C2CD3: variants seen among roughly 807,000 people sequenced by gnomAD.
C2CD3 encodes C2 domain-containing protein 3.
C2CD3 carries 148 observed loss-of-function variants against 234.0 expected under a neutral mutation model. The observed-to-expected ratio is 0.63, with a 90% CI of 0.55 to 0.72. The LOEUF (loss-of-function observed/expected upper bound fraction) is 0.72, where lower values mean the gene tolerates loss of function less well. Ranked by LOEUF, C2CD3 falls within the 30% of genes least tolerant of loss-of-function variation. The pLI, the probability that C2CD3 is intolerant of heterozygous loss-of-function variation, is 0.00. For missense variants in C2CD3, 2,577 were observed against 2,811.5 expected, an observed-to-expected ratio of 0.92 and a Z score of 1.89; for synonymous variants, 1,000 against 1,035.4, an observed-to-expected ratio of 0.97 and a Z score of 0.66.
chr11:74,163,689 A>C (rs1161547972), intron 2 of C2CD3, among the ~76,000 whole-genome samples: 1 of 152,158 alleles, frequency 6.6e-6, no homozygotes, highest in African/African-American at 2.4e-5. Context: ...AGCCATGTGG[A>C]ACTGTGAGTC....
intron 6 of C2CD3, among the ~76,000 whole-genome samples, 157 bp downstream of exon 6, chr11:74,133,268 T>G (rs542578124): frequency 6.6e-6 from 1 of 152,312 alleles, no homozygotes; most frequent in South Asian, 2.1e-4. Context: ...GATAAGATTT[T>G]TAGTATCTTA....
In C2CD3 at chr11:74,037,477, C is replaced by T. The variant is rs1212898298; in HGVS notation, c.5881+1G>A. On this transcript the variant is annotated splice_donor_variant, in intron 30 of 32. Transcript: ENST00000334126. LOFTEE classifies it high-confidence loss of function. ...TCAACAAGAAAGGATCTGAGTCATA[C>T]CTGTGATTAAGGAGCTGACTTGCAA... The T allele has an allele frequency of 1.2e-6, 2 of 1,609,506 alleles. No individual in the cohort carries two copies. The highest frequency in any genetic ancestry group is 2.2e-5 in the South Asian group (2 of 90,974).
At position 74,013,452 on chromosome 11, in the gene C2CD3, T is replaced by G; in HGVS notation, c.6995A>C (p.Asn2332Thr). 2.8e-6 allele frequency: 4 copies of G among 1,430,248 alleles called. No individual in the cohort carries two copies. Among genetic ancestry groups the G allele is most frequent in the Non-Finnish European group, 3.7e-6 (4 of 1,095,668 alleles). The allele number at this position is 1,430,248 out of a possible 1,614,324, so 88.6% of individuals were successfully genotyped here. Residue 2332 changes from asparagine (N) to threonine (T), a missense_variant, in exon 33 of 33, where the codon AAC becomes ACC. Physicochemically the swap from Asn to Thr is moderately conservative, Grantham distance 65. Coordinates refer to ENST00000334126, the MANE Select transcript of C2CD3 (RefSeq NM_001286577.2). ...CRPRPNSLPL[N>T]LPEEETLRIA... is the part of the protein sequence containing the mutation. ...CCTGAGAGTTTCTTCCTCAGGCAGGTTGAGGGGGAGCGAGTTAGGTCTGGG... is the reference window on the plus strand; with the variant it reads ...CCTGAGAGTTTCTTCCTCAGGCAGGGTGAGGGGGAGCGAGTTAGGTCTGGG...
intron 23 of C2CD3, 117 bp downstream of exon 23, chr11:74,077,998 A>G (rs955801105): frequency 4.6e-5 from 58 of 1,247,314 alleles, no homozygotes; most frequent in Non-Finnish European, 6.1e-5. Context: ...TATAATACCT[A>G]TCTCACAGGA....
At chr11:74,112,129 A>G (rs1590834988) in intron 11 of C2CD3, among the ~76,000 whole-genome samples, 2 of 152,328 alleles carry the variant, frequency 1.3e-5, no homozygotes, top group South Asian at 4.1e-4. Flanking sequence ...AGCAAAGTAA[A>G]AATTTAAAAA....
intron 22 of C2CD3, among the ~76,000 whole-genome samples, chr11:74,083,713 T>C (rs1955503674): frequency 6.6e-6 from 1 of 152,112 alleles, no homozygotes; most frequent in Admixed American, 6.5e-5. Context: ...CACTGGTCAC[T>C]AGAGAAATGC....
chr11:74,054,560 A>G (rs111244131), intron 26 of C2CD3, 47 bp downstream of exon 26: 6 of 771,588 alleles, frequency 7.8e-6, no homozygotes, highest in Non-Finnish European at 1.3e-5. Flanking sequence ...ACAGGATGTG[A>G]GCTTATTTTT....
chr11:74,159,589 T>C (rs1362111746), intron 3 of C2CD3, among the ~76,000 whole-genome samples: 2 of 152,130 alleles, frequency 1.3e-5, no homozygotes, highest in East Asian at 3.8e-4. Context: ...AGAATAGGGA[T>C]ATAAAAAATT....
At chr11:74,168,719 A>G in intron 1 of C2CD3, 106 bp from the exon 2 acceptor site, 5 of 1,031,356 alleles carry the variant, frequency 4.8e-6, no homozygotes, top group East Asian at 2.4e-5. Flanking sequence ...TCTTAAGTTC[A>G]GCAATTTATC....
intron 32 of C2CD3, among the ~76,000 whole-genome samples, chr11:74,026,223 C>T (rs559921460): frequency 6.6e-6 from 1 of 151,982 alleles, no homozygotes; most frequent in Non-Finnish European, 1.5e-5. Context: ...CAGAGGATCA[C>T]TTGAACCCAG....
chr11:74,059,219 C>G (rs826050), intron 24 of C2CD3, among the ~76,000 whole-genome samples: 15,565 of 151,634 alleles, frequency 0.1, 2,476 homozygotes, highest in African/African-American at 0.35. Flanking sequence ...TTCTCTCCTG[C>G]CTAACATGGT....
chr11:74,022,232 T>C (rs1459483374), intron 32 of C2CD3, among the ~76,000 whole-genome samples: 1 of 152,046 alleles, frequency 6.6e-6, no homozygotes, highest in African/African-American at 2.4e-5. Context: ...GCCTTGGTGA[T>C]GTGGATCTTG....
In C2CD3 at chr11:74,123,274, A is replaced by C. The variant is rs182073393; in HGVS notation, c.1218-139T>G. 1.8e-3 allele frequency: 1,113 copies of C among 634,408 alleles called. 4 individuals carry two copies. The highest frequency in any genetic ancestry group is 2.6e-3 in the Non-Finnish European group (958 of 368,852). 39.3% of individuals were successfully genotyped at this position (634,408 alleles called of 1,614,324 possible). A position where few individuals can be genotyped will look rare whatever the true frequency, so the allele number is the denominator to read the frequency against. Reference sequence around the variant, plus strand: ...AAAGACTCACATTAAACAAAAGACTACTGAATAAATATTTCCCAATTATAC... The same window carrying C: ...AAAGACTCACATTAAACAAAAGACTCCTGAATAAATATTTCCCAATTATAC... On this transcript the variant is annotated intron_variant, in intron 7 of 32. Transcript: ENST00000334126.
intron 20 of C2CD3, among the ~76,000 whole-genome samples, chr11:74,086,704 C>T (rs530880539): frequency 1.4e-4 from 22 of 152,316 alleles, no homozygotes; most frequent in African/African-American, 4.8e-4. Context: ...GGAATCTACA[C>T]GCCTTTAACG....
chr11:74,116,845 C>A (rs1439776544), intron 9 of C2CD3, among the ~76,000 whole-genome samples: 1 of 134,840 alleles, frequency 7.4e-6, no homozygotes. Flanking sequence ...TATATATACA[C>A]GTGTATATGT....
At chr11:74,132,490 G>A (rs965926270) in intron 7 of C2CD3, among the ~76,000 whole-genome samples, 1 of 152,214 alleles carries the variant, frequency 6.6e-6, no homozygotes, top group Non-Finnish European at 1.5e-5. Context: ...TGCCTCTGAA[G>A]TTCAGAGATA....
chr11:74,074,241 A>G lies in C2CD3; in HGVS notation c.4951+12T>C. 3 of 1,587,780 alleles carry G rather than the reference A, an allele frequency of 1.9e-6. No individual in the cohort carries two copies. The South Asian group carries it at 3.4e-5, about 18-fold the overall frequency. ...AGTTAGACATGCTCCTGGGTAGGTGAGGAGAGCATACCTTTCAAGCTCAAG... is the reference window on the plus strand; with the variant it reads ...AGTTAGACATGCTCCTGGGTAGGTGGGGAGAGCATACCTTTCAAGCTCAAG... On this transcript the variant is annotated intron_variant, in intron 24 of 32. Transcript: ENST00000334126.
chr11:74,132,246 G>A (rs891501221), intron 7 of C2CD3, among the ~76,000 whole-genome samples: 1 of 152,162 alleles, frequency 6.6e-6, no homozygotes, highest in Admixed American at 6.5e-5. Flanking sequence ...AGCTACTTGG[G>A]AGGCAGAGGC....
intron 6 of C2CD3, 116 bp downstream of exon 6, chr11:74,133,309 T>A (rs1590901317): frequency 1.1e-6 from 1 of 921,018 alleles, no homozygotes; most frequent in Non-Finnish European, 1.7e-6. Context: ...TCCCACCACA[T>A]CAGGAATTAT....
Sources: gnomAD v4.1 joint callset for allele counts (sites outside exome capture counted in the v4.1 genomes callset) on GRCh38, gnomAD v4.1.1 for gene constraint, MANE v1.5 for transcripts, NCBI Gene and HGNC (gene_info 2026-07-23, HGNC 2026-07-21) for gene names.